MROH7: variants seen among roughly 807,000 people sequenced by gnomAD.
The protein encoded by MROH7 is maestro heat like repeat family member 7.
A neutral mutation model predicts 129.2 loss-of-function variants in MROH7; 113 were observed. The ratio of observed to expected loss-of-function variants is 0.87; its 90% CI spans 0.75 to 1.02. MROH7 has a LOEUF of 1.02. Among genes scored for constraint, MROH7 ranks in the 50% least tolerant of loss-of-function variants. The pLI is 0.00. For synonymous variants in MROH7, 655 were observed against 667.9 expected (o/e 0.98, Z 0.30); for missense variants, 1,601 against 1,671.3 (o/e 0.96, Z 0.73).
chr1:54,694,849 A>G (rs1196670063), intron 16 of MROH7, among the ~76,000 whole-genome samples: 1 of 152,204 alleles, frequency 6.6e-6, no homozygotes, highest in African/African-American at 2.4e-5. Flanking sequence ...CTGGCTTAGT[A>G]GAATGAACGA....
chr1:54,670,942 C>A lies in MROH7; in HGVS notation c.1599+13C>A. On this transcript the variant is annotated intron_variant, in intron 7 of 23. Coordinates refer to ENST00000421030, the MANE Select transcript of MROH7 (RefSeq NM_001039464.4). ...TGAGACCATCCAGGTGAGGCGGGAC[C>A]TTCCCAGCAGGGCCTCAGGGCTGGC... The A allele has an allele frequency of 6.3e-7, 1 of 1,588,562 alleles. No individual in the cohort carries two copies. Among genetic ancestry groups the A allele is most frequent in the East Asian group, 2.3e-5 (1 of 43,798 alleles).
chr1:54,709,977 A>G lies in MROH7; in HGVS notation c.3762A>G (p.Ala1254=), dbSNP rs1645597349. ...ALDNLRHDPE[A]SVCIYAAQVQ... ...ATAACTTGAGACATGACCCAGAAGC[A>G]TCAGTGTGCATCTACGCAGCCCAGG... is the stretch of plus-strand genomic sequence containing the variant. The change falls in exon 24 of 24, where the codon GCA becomes GCG. Residue 1254 remains alanine (A), a synonymous_variant. Transcript: ENST00000421030. 1 of 1,614,034 alleles carries G rather than the reference A, an allele frequency of 6.2e-7. No individual in the cohort carries two copies. Among genetic ancestry groups the G allele is most frequent in the Admixed American group, 1.7e-5 (1 of 60,002 alleles).
chr1:54,682,087 G>A lies in MROH7; in HGVS notation c.2382-569G>A, dbSNP rs543120399. 5.3e-5 allele frequency among the ~76,000 whole-genome samples: 8 copies of A among 152,116 alleles called. No individual in the cohort carries two copies. The South Asian group carries it at 8.3e-4, about 16-fold the overall frequency. On this transcript the variant is annotated intron_variant, in intron 13 of 23. Coordinates refer to ENST00000421030, the MANE Select transcript of MROH7 (RefSeq NM_001039464.4). ...AGTAAATGCTCAGCTAATATCTGCC[G>A]AAGTAATACATTGCATGTAAAACGT...
chr1:54,647,983 C>T (rs1029544319), intron 1 of MROH7, among the ~76,000 whole-genome samples: 3 of 151,148 alleles, frequency 2.0e-5, no homozygotes, highest in Non-Finnish European at 4.4e-5. Context: ...CCAGCTGTTC[C>T]ACTGCCATTT....
intron 17 of MROH7, chr1:54,699,199 T>C (rs137869059): frequency 0.076 from 9,130 of 120,738 alleles, 858 homozygotes; most frequent in Non-Finnish European, 0.12. Flanking sequence ...CTTTCTTTCT[T>C]TCTTTCTCTC....
chr1:54,681,824 G>C (rs964029846), intron 13 of MROH7, among the ~76,000 whole-genome samples: 8 of 152,176 alleles, frequency 5.3e-5, no homozygotes, highest in Admixed American at 6.5e-5. Context: ...TTGCTCCTTG[G>C]TTAGAGGAAT....
rs754568494 is a variant in MROH7, at chr1:54,695,383, G to T, written c.2857G>T (p.Val953Leu). The T allele has an allele frequency of 6.2e-7, 1 of 1,609,794 alleles. No homozygotes were observed. ...RGVALLARAM[V>L]QYSCQELCRI... is the part of the protein sequence containing the mutation. ...CCCCCTTCCCACCCCCAGGGCCATG[G>T]TGCAGTACTCCTGCCAGGAGCTGTG... Residue 953 changes from valine (V) to leucine (L), a missense_variant, in exon 17 of 24, where the codon GTG becomes TTG. Physicochemically the swap from Val to Leu is conservative, Grantham distance 32 (BLOSUM62 1). Transcript: ENST00000421030.
intron 2 of MROH7, 111 bp from the exon 3 acceptor site, chr1:54,652,742 A>G: frequency 1.4e-6 from 1 of 733,874 alleles, no homozygotes; most frequent in Admixed American, 3.2e-5. Context: ...GGGCACAGTC[A>G]CCAGGGCCTT....
At chr1:54,644,773 G>T (rs1557685049) in intron 1 of MROH7, among the ~76,000 whole-genome samples, 1 of 150,476 alleles carries the variant, frequency 6.6e-6, no homozygotes, top group Non-Finnish European at 1.5e-5. Flanking sequence ...GGGCTTATAG[G>T]CATCAGCCAC....
chr1:54,673,310 GT>G lies in MROH7; in HGVS notation c.1695+125del. The G allele has an allele frequency of 5.7e-6, 4 of 700,948 alleles. No homozygotes were observed. In the South Asian group the frequency reaches 7.0e-5, roughly 12 times the overall value. The allele number at this position is 700,948 out of a possible 1,614,324, so 43.4% of individuals were successfully genotyped here. ...GGCTTCAGGATGTCATCTTGTGTGAGTGTTCTGCCTCCCTGTCTGTCTCACA... is the reference window on the plus strand; with the variant it reads ...GGCTTCAGGATGTCATCTTGTGTGAGGTTCTGCCTCCCTGTCTGTCTCACA... On this transcript the variant is annotated intron_variant, in intron 8 of 23. Transcript: ENST00000421030.
At chr1:54,657,371 T>A (rs1018372674) in intron 3 of MROH7, among the ~76,000 whole-genome samples, 27 of 151,868 alleles carry the variant, frequency 1.8e-4, no homozygotes, top group Non-Finnish European at 3.7e-4. Flanking sequence ...TCTTAAACAT[T>A]TTTAAATTAT....
At chr1:54,652,534 T>C (rs990343333) in intron 2 of MROH7, among the ~76,000 whole-genome samples, 1 of 152,186 alleles carries the variant, frequency 6.6e-6, no homozygotes, top group Non-Finnish European at 1.5e-5. Flanking sequence ...ATGAATTCAC[T>C]GGAATGAAAT....
At position 54,710,014 on chromosome 1, in the gene MROH7, A is replaced by G; in HGVS notation, c.3799A>G (p.Ile1267Val). The stretch of plus-strand genomic sequence containing the variant: ...CTACGCAGCCCAGGTCCAGGACCAC[A>G]TCCTGGCCAGCTGCTGGCAGAACTC... Reference protein sequence around the residue: ...CIYAAQVQDHILASCWQNSWL... With the variant: ...CIYAAQVQDHVLASCWQNSWL... Residue 1267 changes from isoleucine (I) to valine (V), a missense_variant, in exon 24 of 24, where the codon ATC becomes GTC. By Grantham distance (29) the Ile-to-Val change is conservative (BLOSUM62 3). Transcript: ENST00000421030. The G allele has an allele frequency of 6.2e-7, 1 of 1,614,110 alleles. No homozygotes were observed.
intron 21 of MROH7, among the ~76,000 whole-genome samples, chr1:54,705,766 A>G (rs1981583): frequency 0.31 from 46,558 of 152,022 alleles, 7,318 homozygotes; most frequent in South Asian, 0.4. Flanking sequence ...GAACATGATC[A>G]TGAAGCTTTG....
intron 1 of MROH7, among the ~76,000 whole-genome samples, chr1:54,644,488 G>A (rs1487763707): frequency 2.0e-5 from 3 of 151,828 alleles, no homozygotes; most frequent in African/African-American, 4.8e-5. Context: ...GATTAGAGGT[G>A]CCCACCACCA....
chr1:54,647,904 C>CAAAAAAAAAAAAAAAAAAAAAAAAAAA (rs35151019), intron 1 of MROH7, among the ~76,000 whole-genome samples: 1 of 87,118 alleles, frequency 1.1e-5, no homozygotes, highest in Non-Finnish European at 2.2e-5. Flanking sequence ...GACTCCATCT[C>CAAAAAAAAAAAAAAAAAAAAAAAAAAA]AAAAAAAAAA....
At chr1:54,673,910 C>T in intron 9 of MROH7, 105 bp downstream of exon 9, 1 of 1,529,578 alleles carries the variant, frequency 6.5e-7, no homozygotes, top group Non-Finnish European at 9.0e-7. Context: ...TTGCCATCTT[C>T]AGAGGGCTGT....
In MROH7 at chr1:54,652,894, G is replaced by T; in HGVS notation, c.-33G>T. ...TGACAGTTGGCTGTTGGAGAGAAGCGGGCACTGGCATTGAGAGACCTCCAG... is the reference window on the plus strand; with the variant it reads ...TGACAGTTGGCTGTTGGAGAGAAGCTGGCACTGGCATTGAGAGACCTCCAG... On this transcript the variant is annotated 5_prime_UTR_variant, in exon 3 of 24. Transcript: ENST00000421030. 1 of 1,531,170 alleles carries T rather than the reference G, an allele frequency of 6.5e-7. No homozygotes were observed. Among genetic ancestry groups the T allele is most frequent in the South Asian group, 1.3e-5 (1 of 76,726 alleles). The allele number at this position is 1,531,170 out of a possible 1,614,324, so 94.8% of individuals were successfully genotyped here.
chr1:54,693,396 G>A (rs1198700776), intron 16 of MROH7, among the ~76,000 whole-genome samples: 3 of 152,150 alleles, frequency 2.0e-5, no homozygotes, highest in African/African-American at 4.8e-5. Flanking sequence ...GTTGCTGTGA[G>A]CCGAGATGGC....
Sources: gnomAD v4.1 joint callset for allele counts (sites outside exome capture counted in the v4.1 genomes callset) on GRCh38, gnomAD v4.1.1 for gene constraint, MANE v1.5 for transcripts, NCBI Gene and HGNC (gene_info 2026-07-23, HGNC 2026-07-21) for gene names.